Variants in LRRC69 observed in about 807,000 individuals in gnomAD.
LRRC69 encodes leucine-rich repeat-containing protein 69.
LRRC69 carries 42 observed loss-of-function variants against 37.8 expected under a neutral mutation model. The observed-to-expected ratio is 1.11, with a 90% confidence interval of 0.87 to 1.44. The LOEUF is 1.44. LRRC69 is among the 40% of genes most tolerant of loss of function. LRRC69 has a pLI of 0.00. For missense variants in LRRC69, 357 were observed against 401.9 expected, an observed-to-expected ratio of 0.89 and a Z score of 0.96; for synonymous variants, 141 against 143.1, an observed-to-expected ratio of 0.99 and a Z score of 0.11.
At position 91,108,055 on chromosome 8, in the gene LRRC69, C is replaced by G. The variant is rs530081505; in HGVS notation, c.183+5211C>G. 9.9e-5 allele frequency among the ~76,000 whole-genome samples: 15 copies of G among 152,170 alleles called. 1 individual carries two copies. The South Asian group carries it at 3.1e-3, about 32-fold the overall frequency. ...CTCTAATTGTGTGCAGCATTGTTGACATGTATCATAAAGTCCAACGGCAGT... is the reference window on the plus strand; with the variant it reads ...CTCTAATTGTGTGCAGCATTGTTGAGATGTATCATAAAGTCCAACGGCAGT... On this transcript the variant is annotated intron_variant, in intron 1 of 7. Transcript: ENST00000448384.
chr8:91,146,437 A>T (rs1471148669), intron 5 of LRRC69, among the ~76,000 whole-genome samples: 1 of 151,862 alleles, frequency 6.6e-6, no homozygotes, highest in African/African-American at 2.4e-5. Context: ...TGAGAAAGTA[A>T]ACTTTAAAAA....
intron 5 of LRRC69, among the ~76,000 whole-genome samples, chr8:91,163,908 A>T (rs1808987113): frequency 1.3e-5 from 2 of 151,356 alleles, no homozygotes; most frequent in African/African-American, 4.8e-5. Flanking sequence ...GGATAATGGA[A>T]TATATATTAA....
intron 5 of LRRC69, among the ~76,000 whole-genome samples, chr8:91,146,059 A>G (rs1199549795): frequency 6.6e-6 from 1 of 151,674 alleles, no homozygotes; most frequent in Non-Finnish European, 1.5e-5. Context: ...CTACTTCTAT[A>G]TGTGATTTTA....
chr8:91,104,327 CA>C (rs1267265376), intron 1 of LRRC69, among the ~76,000 whole-genome samples: 2 of 151,954 alleles, frequency 1.3e-5, no homozygotes, highest in Non-Finnish European at 2.9e-5. Context: ...ATAACACTTA[CA>C]GCTTTTATAT....
At chr8:91,149,158 C>T (rs572572217) in intron 5 of LRRC69, among the ~76,000 whole-genome samples, 3 of 152,052 alleles carry the variant, frequency 2.0e-5, no homozygotes, top group Non-Finnish European at 4.4e-5. Flanking sequence ...AGTCCTTGCC[C>T]ATGCCCATGT....
intron 7 of LRRC69, among the ~76,000 whole-genome samples, chr8:91,216,830 T>G (rs1445435969): frequency 6.6e-6 from 1 of 152,176 alleles, no homozygotes; most frequent in African/African-American, 2.4e-5. Flanking sequence ...GTATTGTTGA[T>G]ATCCCATGAT....
In LRRC69 at chr8:91,179,935, A is replaced by G. The variant is rs540867135; in HGVS notation, c.652-9587A>G. Reference sequence around the variant, plus strand: ...ACTAGGGTTTTCTGTTTCCAACAGAATGTTAAGCTTTTGAAAGCAGGAACC... The same window carrying G: ...ACTAGGGTTTTCTGTTTCCAACAGAGTGTTAAGCTTTTGAAAGCAGGAACC... On this transcript the variant is annotated intron_variant, in intron 5 of 7. Transcript: ENST00000448384. Among the ~76,000 whole-genome samples, 12 of 152,324 alleles carry G rather than the reference A, an allele frequency of 7.9e-5. No homozygotes were observed. In the East Asian group the frequency reaches 2.3e-3, roughly 29 times the overall value.
chr8:91,112,417 C>T (rs1176905896), intron 1 of LRRC69, among the ~76,000 whole-genome samples: 1 of 152,022 alleles, frequency 6.6e-6, no homozygotes, highest in African/African-American at 2.4e-5. Flanking sequence ...GCACCTTTTA[C>T]TGCCAAGGAC....
intron 5 of LRRC69, chr8:91,138,749 G>A (rs1808470031): frequency 6.6e-6 from 1 of 151,944 alleles, no homozygotes; most frequent in African/African-American, 2.4e-5. Flanking sequence ...TGACCACATA[G>A]TGAATTAATT....
chr8:91,191,550 G>A (rs951550069), intron 6 of LRRC69, among the ~76,000 whole-genome samples: 2 of 152,148 alleles, frequency 1.3e-5, no homozygotes, highest in Non-Finnish European at 2.9e-5. Context: ...AGGTCACAGA[G>A]CTACTAAGTG....
chr8:91,133,220 T>G (rs1813841212), exon 4 of LRRC69: 11 of 1,542,820 alleles, frequency 7.1e-6, no homozygotes, highest in Non-Finnish European at 7.9e-6. Flanking sequence ...TACAATCAGC[T>G]GATATGCATA....
intron 5 of LRRC69, 60 bp from the exon 6 acceptor site, chr8:91,189,462 A>G (rs1371250260): frequency 1.2e-5 from 12 of 1,028,380 alleles, no homozygotes; most frequent in Non-Finnish European, 1.7e-5. Flanking sequence ...TTAAAAATGT[A>G]GCTTTAGAGG....
chr8:91,182,285 G>A (rs938607530), intron 5 of LRRC69, among the ~76,000 whole-genome samples: 7 of 151,792 alleles, frequency 4.6e-5, no homozygotes, highest in Admixed American at 1.3e-4. Context: ...ACTTTACTCA[G>A]TATCATATCA....
intron 7 of LRRC69, among the ~76,000 whole-genome samples, chr8:91,214,331 C>G (rs1245560597): frequency 6.6e-6 from 1 of 152,134 alleles, no homozygotes; most frequent in Admixed American, 6.6e-5. Flanking sequence ...CTGGATAATT[C>G]AAGTGAATAC....
intron 5 of LRRC69, among the ~76,000 whole-genome samples, chr8:91,152,051 G>C (rs1348773219): frequency 6.6e-6 from 1 of 151,564 alleles, no homozygotes; most frequent in Non-Finnish European, 1.5e-5. Context: ...TTTGTCAGAT[G>C]GGTAGTTTGC....
chr8:91,127,511 G>A (rs1813738394), intron 3 of LRRC69, among the ~76,000 whole-genome samples: 1 of 141,804 alleles, frequency 7.1e-6, no homozygotes, highest in African/African-American at 2.6e-5. Flanking sequence ...ACCATTTTGA[G>A]CTTGATGGAA....
intron 7 of LRRC69, among the ~76,000 whole-genome samples, chr8:91,211,359 A>T (rs1809913764): frequency 6.6e-6 from 1 of 151,802 alleles, no homozygotes; most frequent in African/African-American, 2.4e-5. Context: ...AATAAATTTA[A>T]GGATGCTTAA....
chr8:91,155,438 A>G (rs1018598220), intron 5 of LRRC69, among the ~76,000 whole-genome samples: 2 of 150,874 alleles, frequency 1.3e-5, no homozygotes, highest in Non-Finnish European at 3.0e-5. Flanking sequence ...AGTAATTAGC[A>G]TATCCATTAC....
intron 5 of LRRC69, among the ~76,000 whole-genome samples, chr8:91,176,925 A>T (rs1027547130): frequency 6.6e-6 from 1 of 151,798 alleles, no homozygotes; most frequent in Non-Finnish European, 1.5e-5. Context: ...TGAAGTTGAC[A>T]CATAAAATTA....
Sources: allele counts gnomAD v4.1 joint callset (sites outside exome capture counted in the v4.1 genomes callset), GRCh38; gene constraint gnomAD v4.1.1; transcripts MANE v1.5; gene names NCBI Gene and HGNC (gene_info 2026-07-23, HGNC 2026-07-21).